Variants in DEPDC4 observed in about 807,000 individuals in gnomAD.
DEPDC4 encodes DEP domain-containing protein 4.
A neutral mutation model predicts 52.0 loss-of-function variants in DEPDC4; 52 were observed. The ratio of observed to expected loss-of-function variants is 1.00; its 90% CI spans 0.80 to 1.26. The LOEUF is 1.26. DEPDC4 is among the 50% of genes most tolerant of loss of function. The pLI, the probability that DEPDC4 is intolerant of heterozygous loss-of-function variation, is 0.00. For missense variants in DEPDC4, 530 were observed against 546.9 expected (o/e 0.97, Z 0.31); for synonymous variants, 201 against 196.8 (o/e 1.02, Z -0.18).
At chr12:100,237,962 C>T (rs2096144308), downstream of DEPDC4, 1 of 480,970 alleles carries the variant, frequency 2.1e-6, no homozygotes, top group Non-Finnish European at 2.7e-6. Context: ...ACTAGCAAAT[C>T]CCTACCTGAT....
upstream of DEPDC4, chr12:100,267,566 G>A (rs1182249177): frequency 1.3e-5 from 2 of 152,730 alleles, no homozygotes; most frequent in Admixed American, 6.5e-5. Flanking sequence ...CGGCCGGCCG[G>A]GCGATCGGCG....
upstream of DEPDC4, among the ~76,000 whole-genome samples, chr12:100,270,273 C>T (rs2096286171): frequency 6.6e-6 from 1 of 152,114 alleles, no homozygotes; most frequent in Non-Finnish European, 1.5e-5. Flanking sequence ...AGGCGTGAGC[C>T]ACCGCGCCTG....
At chr12:100,277,661 C>G in the DEPDC4 span, among the ~76,000 whole-genome samples, 1 of 152,232 alleles carries the variant, frequency 6.6e-6, no homozygotes, top group South Asian at 2.1e-4. Flanking sequence ...ATTTGATAAT[C>G]TCTGCCTTGT....
At chr12:100,249,495 CA>C (rs1229582609) in intron 7 of DEPDC4, among the ~76,000 whole-genome samples, 7 of 152,114 alleles carry the variant, frequency 4.6e-5, no homozygotes, top group African/African-American at 1.7e-4. Context: ...ATAATAACAA[CA>C]AAAACCCCCA....
chr12:100,241,947 T>A (rs1252092904), intron 9 of DEPDC4, 102 bp from the exon 10 acceptor site: 1 of 675,342 alleles, frequency 1.5e-6, no homozygotes, highest in African/African-American at 2.0e-5. Flanking sequence ...TCTTACGGTA[T>A]GTTACCTATG....
intron 8 of DEPDC4, among the ~76,000 whole-genome samples, chr12:100,246,799 G>A (rs1274471583): frequency 6.6e-6 from 1 of 152,056 alleles, no homozygotes; most frequent in Non-Finnish European, 1.5e-5. Flanking sequence ...TTAGCTGGGC[G>A]TGGTGGTGCT....
At chr12:100,249,210 G>A (rs563206422) in intron 7 of DEPDC4, among the ~76,000 whole-genome samples, 2 of 151,828 alleles carry the variant, frequency 1.3e-5, no homozygotes, top group Non-Finnish European at 2.9e-5. Context: ...TTTAAAATTA[G>A]GTTAACCCAT....
intron 5 of DEPDC4, among the ~76,000 whole-genome samples, chr12:100,252,967 T>A (rs918750227): frequency 5.9e-5 from 9 of 152,220 alleles, no homozygotes; most frequent in African/African-American, 2.2e-4. Context: ...CCCAGGCTGG[T>A]GCGCAGTGGC....
intron 8 of DEPDC4, among the ~76,000 whole-genome samples, chr12:100,244,932 C>T (rs1303317620): frequency 3.3e-5 from 5 of 151,572 alleles, no homozygotes; most frequent in Non-Finnish European, 5.9e-5. Context: ...AGTGCAGTGG[C>T]GCAATCTCAG....
chr12:100,244,329 C>T lies in DEPDC4; in HGVS notation c.1454-1760G>A, dbSNP rs1180219741. Among the ~76,000 whole-genome samples the T allele has an allele frequency of 4.0e-5, 6 of 150,606 alleles. No individual in the cohort carries two copies. In the South Asian group the frequency reaches 6.3e-4, roughly 16 times the overall value. On this transcript the variant is annotated intron_variant, in intron 8 of 9. Coordinates refer to ENST00000550587, the MANE Select transcript of DEPDC4 (RefSeq NM_001364818.2). Reference sequence around the variant, plus strand: ...CCGAGTGGCTGGGACTACAGGCACCCGCCACCAGGCCAGGCTAATTTTTTT... The same window carrying T: ...CCGAGTGGCTGGGACTACAGGCACCTGCCACCAGGCCAGGCTAATTTTTTT...
intron 8 of DEPDC4, among the ~76,000 whole-genome samples, chr12:100,246,505 C>A (rs938052908): frequency 1.1e-4 from 16 of 152,186 alleles, no homozygotes; most frequent in Admixed American, 8.5e-4. Context: ...TTATCTTATA[C>A]CTCTTTGCAT....
downstream of DEPDC4, among the ~76,000 whole-genome samples, chr12:100,237,057 C>T (rs1366286360): frequency 6.6e-6 from 1 of 152,080 alleles, no homozygotes; most frequent in Non-Finnish European, 1.5e-5. Flanking sequence ...TATTTTTATA[C>T]TAGTACCATG....
downstream of DEPDC4, among the ~76,000 whole-genome samples, chr12:100,239,761 G>C (rs1270737858): frequency 3.0e-4 from 45 of 152,064 alleles, no homozygotes; most frequent in Non-Finnish European, 1.5e-5. Flanking sequence ...CCTGTGGTCA[G>C]CCAGGCACAG....
chr12:100,239,477 G>A (rs1007027906), downstream of DEPDC4, among the ~76,000 whole-genome samples: 18 of 151,976 alleles, frequency 1.2e-4, no homozygotes, highest in Admixed American at 2.6e-4. Flanking sequence ...CTTGGCTCAC[G>A]TGATCCTCCC....
upstream of DEPDC4, among the ~76,000 whole-genome samples, chr12:100,270,395 G>T (rs1262040805): frequency 6.6e-6 from 1 of 151,962 alleles, no homozygotes; most frequent in Non-Finnish European, 1.5e-5. Context: ...CTAGCTGGAA[G>T]GCCTGAATAG....
the DEPDC4 span, among the ~76,000 whole-genome samples, chr12:100,273,054 A>C: frequency 6.6e-6 from 1 of 152,092 alleles, no homozygotes; most frequent in South Asian, 2.1e-4. Flanking sequence ...GTCTTGCCAT[A>C]TTCTCAGCCT....
downstream of DEPDC4, among the ~76,000 whole-genome samples, chr12:100,237,207 CTTTTTTTTT>C (rs55710732): frequency 3.7e-5 from 5 of 136,156 alleles, no homozygotes; most frequent in African/African-American, 5.6e-5. Context: ...TTTTCTTTTT[CTTTTTTTTT>C]TTTTTTGAAA....
At chr12:100,246,721 G>A (rs1456596677) in intron 8 of DEPDC4, among the ~76,000 whole-genome samples, 2 of 152,140 alleles carry the variant, frequency 1.3e-5, no homozygotes, top group African/African-American at 4.8e-5. Context: ...CGGATCACTT[G>A]AGGTCAGGAG....
upstream of DEPDC4, chr12:100,267,813 TC>T (rs1174186985): frequency 2.0e-5 from 3 of 152,120 alleles, no homozygotes; most frequent in Non-Finnish European, 4.4e-5. Context: ...TCACCTCAGT[TC>T]TGAGGTCCGG....
Sources: allele counts gnomAD v4.1 joint callset (sites outside exome capture counted in the v4.1 genomes callset), GRCh38; gene constraint gnomAD v4.1.1; transcripts MANE v1.5; gene names NCBI Gene and HGNC (gene_info 2026-07-23, HGNC 2026-07-21).